Variants in FMNL2 observed in about 807,000 individuals in gnomAD.
The protein encoded by FMNL2 is formin like 2, also known as formin-like protein 2.
FMNL2 carries 51 observed loss-of-function variants against 130.2 expected under a neutral mutation model. That is an observed-to-expected ratio of 0.39 (90% confidence interval 0.31 to 0.49). The LOEUF is 0.49. FMNL2 is among the 20% of genes least tolerant of loss of function. The pLI, the probability that FMNL2 is intolerant of heterozygous loss-of-function variation, is 0.85. For missense variants in FMNL2, 977 were observed against 1,316.2 expected (o/e 0.74, Z 3.99); for synonymous variants, 465 against 467.1 (o/e 1.00, Z 0.06).
chr2:152,444,301 A>G (rs1181676798), intron 1 of FMNL2, among the ~76,000 whole-genome samples: 2 of 152,168 alleles, frequency 1.3e-5, no homozygotes, highest in South Asian at 4.1e-4. Flanking sequence ...AGGCATGTCC[A>G]TGGGAGTATG....
intron 1 of FMNL2, among the ~76,000 whole-genome samples, chr2:152,405,194 T>C (rs1198839835): frequency 6.6e-6 from 1 of 152,194 alleles, no homozygotes; most frequent in Non-Finnish European, 1.5e-5. Flanking sequence ...AAGTTTTTAC[T>C]CCTTTGGCTA....
Position 152,506,659 on chromosome 2 carries a change from G to A in FMNL2, c.118-15284G>A, listed in dbSNP as rs567698954. Among the ~76,000 whole-genome samples the A allele has an allele frequency of 2.0e-5, 3 of 152,214 alleles. No individual in the cohort carries two copies. In the South Asian group the frequency reaches 6.2e-4, roughly 32 times the overall value. On this transcript the variant is annotated intron_variant, in intron 1 of 25. Coordinates refer to ENST00000288670, the MANE Select transcript of FMNL2 (RefSeq NM_052905.4). ...TGGGGGTGGAGGTAGATAGTATCTA[G>A]ACTAGAGGTTTCCAAACTTTTTCAG...
intron 1 of FMNL2, among the ~76,000 whole-genome samples, chr2:152,496,014 G>A (rs893507776): frequency 6.8e-6 from 1 of 147,974 alleles, no homozygotes; most frequent in African/African-American, 2.6e-5. Flanking sequence ...AAAAAAAGTT[G>A]CAAACTAGTA....
At chr2:152,412,377 G>A (rs143241711) in intron 1 of FMNL2, among the ~76,000 whole-genome samples, 88 of 146,856 alleles carry the variant, frequency 6.0e-4, no homozygotes, top group African/African-American at 2.1e-3. Flanking sequence ...GCCGTTTAGA[G>A]GGAATATTTT....
chr2:152,484,587 G>A (rs752601316), intron 1 of FMNL2, among the ~76,000 whole-genome samples: 1 of 151,940 alleles, frequency 6.6e-6, no homozygotes, highest in Non-Finnish European at 1.5e-5. Context: ...ATCCTGGGCA[G>A]CATGAGACCT....
At position 152,628,423 on chromosome 2, in the gene FMNL2, G is replaced by A; in HGVS notation, c.2290G>A (p.Asp764Asn). 6 of 1,614,052 alleles carry A rather than the reference G, an allele frequency of 3.7e-6. No individual in the cohort carries two copies. Among genetic ancestry groups the A allele is most frequent in the Non-Finnish European group, 5.1e-6 (6 of 1,179,902 alleles). ...RERKPLENLS[D>N]EDRFMMQFSK... ...AAGGAAGCCTCTGGAAAACTTGTCA[G>A]ATGAAGATCGGTTCATGATGCAGTT... Residue 764 changes from aspartate to asparagine, a missense_variant, in exon 18 of 26, where the codon GAT (aspartate) becomes AAT (asparagine). Asp to Asn is a conservative substitution (Grantham distance 23). Around this residue, in one of 4 missense-constraint regions of FMNL2, gnomAD observed 689 missense variants for 995.9 expected, o/e 0.69. Coordinates refer to ENST00000288670, the MANE Select transcript of FMNL2 (RefSeq NM_052905.4).
rs562839955 is a variant in FMNL2 at position 152,420,539 on chromosome 2, C to T, written c.117+84819C>T. ...GAGAATTGTTGCTTATCTTACAAGG[C>T]AGAAGTGACAAGGATGGTACTCAGC... On this transcript the variant is annotated intron_variant, in intron 1 of 25. Coordinates refer to ENST00000288670, the MANE Select transcript of FMNL2 (RefSeq NM_052905.4). 9.2e-5 allele frequency among the ~76,000 whole-genome samples: 14 copies of T among 152,228 alleles called. No individual in the cohort carries two copies. In the East Asian group the frequency reaches 2.5e-3, roughly 27 times the overall value.
At chr2:152,586,475 C>T (rs1249924207) in intron 9 of FMNL2, among the ~76,000 whole-genome samples, 1 of 152,132 alleles carries the variant, frequency 6.6e-6, no homozygotes, top group African/African-American at 2.4e-5. Flanking sequence ...TCCAGCATCC[C>T]TCTGAGTTTA....
chr2:152,391,559 C>T (rs1030215343), intron 1 of FMNL2, among the ~76,000 whole-genome samples: 2 of 151,842 alleles, frequency 1.3e-5, no homozygotes, highest in Non-Finnish European at 2.9e-5. Flanking sequence ...GAGCTGTGTG[C>T]CAGGGGTGGC....
rs1453321617 is a variant in FMNL2 at position 152,497,854 on chromosome 2, G to A, written c.118-24089G>A. On this transcript the variant is annotated intron_variant, in intron 1 of 25. Coordinates refer to ENST00000288670, the MANE Select transcript of FMNL2 (RefSeq NM_052905.4). ...AAATTCAGGTGTTGGCCAGGGTTTC[G>A]ATATCATCTGAGGCTTGGGAGTCCT... Among the ~76,000 whole-genome samples the A allele has an allele frequency of 2.0e-5, 3 of 152,194 alleles. No individual in the cohort carries two copies. The South Asian group carries it at 6.2e-4, about 32-fold the overall frequency.
chr2:152,630,935 C>G (rs1163747024), intron 20 of FMNL2, among the ~76,000 whole-genome samples: 1 of 152,130 alleles, frequency 6.6e-6, no homozygotes, highest in African/African-American at 2.4e-5. Context: ...TCAGTGTCCC[C>G]CTTATCCATG....
chr2:152,601,302 T>TC (rs1698037623), intron 9 of FMNL2, among the ~76,000 whole-genome samples: 1 of 81,904 alleles, frequency 1.2e-5, no homozygotes, highest in Non-Finnish European at 2.7e-5. Flanking sequence ...TTTTCTTTTT[T>TC]CTTTTTTTTT....
At chr2:152,394,607 C>T (rs1048334308) in intron 1 of FMNL2, among the ~76,000 whole-genome samples, 5 of 146,218 alleles carry the variant, frequency 3.4e-5, no homozygotes, top group Non-Finnish European at 7.5e-5. Context: ...GAGTTGTTCT[C>T]TGAAAAAAAA....
chr2:152,559,728 C>T (rs969239400), intron 5 of FMNL2, among the ~76,000 whole-genome samples: 5 of 152,192 alleles, frequency 3.3e-5, no homozygotes, highest in African/African-American at 4.8e-5. Context: ...ATCAATGCCA[C>T]GAGTGATTTC....
intron 1 of FMNL2, among the ~76,000 whole-genome samples, chr2:152,350,066 G>A (rs1579449279): frequency 6.6e-6 from 1 of 152,158 alleles, no homozygotes; most frequent in African/African-American, 2.4e-5. Flanking sequence ...CAGAAATGGA[G>A]CGTTTAGATG....
rs553073839 is a variant in FMNL2, at chr2:152,644,045, C to A, written c.3169+3131C>A. ...AGGAGTTTGAGACCAGCCTGGGTAACATAGGGAAGCCCCATCTTTACAAAA... is the reference window on the plus strand; with the variant it reads ...AGGAGTTTGAGACCAGCCTGGGTAAAATAGGGAAGCCCCATCTTTACAAAA... On this transcript the variant is annotated intron_variant, in intron 25 of 25. Coordinates refer to ENST00000288670, the MANE Select transcript of FMNL2 (RefSeq NM_052905.4). The A allele has an allele frequency of 3.6e-4, 100 of 276,880 alleles. No homozygotes were observed. The South Asian group carries it at 0.013, about 36-fold the overall frequency. The allele number at this position is 276,880 out of a possible 1,614,324, so 17.2% of individuals were successfully genotyped here.
At chr2:152,559,575 G>A (rs908876388) in intron 5 of FMNL2, among the ~76,000 whole-genome samples, 5 of 152,114 alleles carry the variant, frequency 3.3e-5, no homozygotes, top group Non-Finnish European at 7.4e-5. Context: ...AAAGTGTTGG[G>A]ATTTCAGGTG....
chr2:152,446,871 T>C (rs1688368882), intron 1 of FMNL2, among the ~76,000 whole-genome samples: 1 of 152,192 alleles, frequency 6.6e-6, no homozygotes, highest in Non-Finnish European at 1.5e-5. Flanking sequence ...CTGTGATGTG[T>C]CAAAGTTTTA....
At chr2:152,492,629 A>G (rs903393980) in intron 1 of FMNL2, among the ~76,000 whole-genome samples, 2 of 152,138 alleles carry the variant, frequency 1.3e-5, no homozygotes, top group African/African-American at 4.8e-5. Flanking sequence ...ATAATTTTCC[A>G]TGTTTGTTTT....
Sources: allele counts gnomAD v4.1 joint callset (sites outside exome capture counted in the v4.1 genomes callset), GRCh38; gene constraint gnomAD v4.1.1; regional missense constraint gnomAD v4.1.1; transcripts MANE v1.5; gene names NCBI Gene and HGNC (gene_info 2026-07-23, HGNC 2026-07-21).